The following MBD5 variants were observed in gnomAD, a reference collection of about 807,000 sequenced individuals.
MBD5 encodes the protein methyl-CpG binding domain protein 5.
Under a neutral mutation model 117.3 loss-of-function variants are expected in MBD5, and 13 were observed. The observed-to-expected ratio is 0.11, with a 90% CI of 0.07 to 0.18. The LOEUF (loss-of-function observed/expected upper bound fraction) is 0.18, where lower values mean the gene tolerates loss of function less well. Ranked by LOEUF, MBD5 falls within the 10% of genes least tolerant of loss-of-function variation. The pLI, the probability that MBD5 is intolerant of heterozygous loss-of-function variation, is 1.00. For missense variants in MBD5, 1,879 were observed against 2,093.8 expected (o/e 0.90, Z 2.00); for synonymous variants, 727 against 766.4 (o/e 0.95, Z 0.85).
intron 10 of MBD5, among the ~76,000 whole-genome samples, chr2:148,486,611 T>G (rs1681348736): frequency 6.6e-6 from 1 of 151,768 alleles, no homozygotes; most frequent in Non-Finnish European, 1.5e-5. Flanking sequence ...AATTAACACC[T>G]ACAACATAAA....
chr2:148,227,765 T>G (rs937189249), intron 2 of MBD5, among the ~76,000 whole-genome samples: 4 of 152,356 alleles, frequency 2.6e-5, no homozygotes, highest in African/African-American at 7.2e-5. Flanking sequence ...GTTCTTCCAT[T>G]TGTTTGTGTC....
At chr2:148,367,087 G>A (rs1240564360) in intron 4 of MBD5, among the ~76,000 whole-genome samples, 2 of 152,104 alleles carry the variant, frequency 1.3e-5, no homozygotes. Flanking sequence ...ATACTACAAG[G>A]CTACAGTAAT....
intron 4 of MBD5, among the ~76,000 whole-genome samples, chr2:148,358,912 A>G (rs1352102882): frequency 6.6e-6 from 1 of 152,130 alleles, no homozygotes; most frequent in East Asian, 1.9e-4. Flanking sequence ...TTTCAATGTT[A>G]TTTTGCATAG....
intron 4 of MBD5, among the ~76,000 whole-genome samples, chr2:148,453,304 A>G (rs1706782827): frequency 6.6e-6 from 1 of 152,160 alleles, no homozygotes; most frequent in South Asian, 2.1e-4. Flanking sequence ...AGTTGCTAAA[A>G]TTCAATCCAC....
intron 3 of MBD5, among the ~76,000 whole-genome samples, chr2:148,274,717 G>GTTTTTTTTTTTTTTTTTTTTTTTT (rs199569391): frequency 9.1e-6 from 1 of 109,854 alleles, no homozygotes. Context: ...AATTAATTGA[G>GTTTTTTTTTTTTTTTTTTTTTTTT]TTTTTTTGTT....
intron 3 of MBD5, among the ~76,000 whole-genome samples, chr2:148,311,977 C>G (rs1448466529): frequency 6.6e-6 from 1 of 152,030 alleles, no homozygotes; most frequent in Non-Finnish European, 1.5e-5. Flanking sequence ...AATATTGGAC[C>G]CCACTCTCCT....
intron 1 of MBD5, among the ~76,000 whole-genome samples, chr2:148,130,852 C>T (rs1327499293): frequency 6.6e-6 from 1 of 152,100 alleles, no homozygotes; most frequent in Admixed American, 6.6e-5. Flanking sequence ...TTCTCCTGGG[C>T]AAGGTTGGGG....
At chr2:148,022,456 A>T (rs1693780319) in intron 1 of MBD5, among the ~76,000 whole-genome samples, 1 of 152,072 alleles carries the variant, frequency 6.6e-6, no homozygotes, top group African/African-American at 2.4e-5. Flanking sequence ...CCTGATACTT[A>T]TTTTCCATAT....
intron 3 of MBD5, among the ~76,000 whole-genome samples, chr2:148,258,243 AC>A (rs781695182): frequency 1.3e-5 from 2 of 151,950 alleles, no homozygotes; most frequent in Non-Finnish European, 2.9e-5. Context: ...TAAAATGTCC[AC>A]CCCCAGAATG....
At chr2:148,068,029 C>T (rs969713741) in intron 1 of MBD5, among the ~76,000 whole-genome samples, 2 of 152,180 alleles carry the variant, frequency 1.3e-5, no homozygotes, top group Non-Finnish European at 2.9e-5. Flanking sequence ...ATCTTTGGGT[C>T]TCTCTGTATG....
intron 4 of MBD5, among the ~76,000 whole-genome samples, chr2:148,350,647 C>G (rs1038530606): frequency 1.3e-5 from 2 of 151,984 alleles, no homozygotes; most frequent in Non-Finnish European, 2.9e-5. Flanking sequence ...AATCAGGCTA[C>G]AAATTTCCTT....
intron 4 of MBD5, among the ~76,000 whole-genome samples, chr2:148,348,090 C>T (rs1348315810): frequency 1.3e-5 from 2 of 151,982 alleles, no homozygotes; most frequent in African/African-American, 2.4e-5. Context: ...AGGAACTGAG[C>T]CTACCTTGTT....
At chr2:148,162,506 G>C (rs1311457713) in intron 1 of MBD5, among the ~76,000 whole-genome samples, 1 of 152,054 alleles carries the variant, frequency 6.6e-6, no homozygotes, top group Non-Finnish European at 1.5e-5. Context: ...TTGCTGTAAG[G>C]GTGATCTGTT....
At chr2:148,174,697 A>G (rs1436780282) in intron 1 of MBD5, among the ~76,000 whole-genome samples, 2 of 152,026 alleles carry the variant, frequency 1.3e-5, no homozygotes, top group African/African-American at 2.4e-5. Flanking sequence ...TACAAGAAAA[A>G]CTTCTCAACA....
intron 2 of MBD5, among the ~76,000 whole-genome samples, chr2:148,188,351 A>G (rs1574111070): frequency 6.6e-6 from 1 of 152,280 alleles, no homozygotes; most frequent in Non-Finnish European, 1.5e-5. Context: ...ATTTAAAACA[A>G]AGAAATATAG....
Position 148,485,901 on chromosome 2 carries a change from C to A in MBD5, c.3704C>A (p.Pro1235His). 2 of 1,614,124 alleles carry A rather than the reference C, an allele frequency of 1.2e-6. No individual in the cohort carries two copies. The highest frequency in any genetic ancestry group is 1.7e-6 in the Non-Finnish European group (2 of 1,179,974). ...LQAFQGQSTI[P>H]CPANNNPMAC... The stretch of plus-strand genomic sequence containing the variant: ...GCGTTCCAAGGACAGTCCACAATTC[C>A]TTGCCCAGCTAACAATAACCCCATG... The change falls in exon 10 of 14, where the codon CCT becomes CAT. Residue 1235 changes from proline to histidine, a missense_variant. Coordinates refer to ENST00000642680, the MANE Select transcript of MBD5 (RefSeq NM_001378120.1).
chr2:148,312,393 T>C (rs1343235308), intron 3 of MBD5, among the ~76,000 whole-genome samples: 1 of 152,194 alleles, frequency 6.6e-6, no homozygotes. Flanking sequence ...CTTTATTTCA[T>C]TAAGTTGATC....
rs114251920 is a variant in MBD5 at position 148,469,453 on chromosome 2, A to G, written c.1510A>G (p.Met504Val). ...AACAATAGGGTCCCCAAGGCCATCA[A>G]TGCCATCAAGCCCTTCTACCAAGTC... is the stretch of plus-strand genomic sequence containing the variant. ...RSTIGSPRPS[M>V]PSSPSTKSDG... The change falls in exon 8 of 14, where the codon ATG (methionine) becomes GTG (valine). Residue 504 changes from methionine (M) to valine (V), a missense_variant. Coordinates refer to ENST00000642680, the MANE Select transcript of MBD5 (RefSeq NM_001378120.1). 4.6e-5 allele frequency: 75 copies of G among 1,613,936 alleles called. 1 individual carries two copies. The highest frequency in any genetic ancestry group is 5.8e-5 in the Non-Finnish European group (69 of 1,179,950).
intron 4 of MBD5, among the ~76,000 whole-genome samples, chr2:148,355,722 C>G (rs111427454): frequency 0.18 from 27,020 of 152,114 alleles, 2,555 homozygotes; most frequent in Non-Finnish European, 0.18. Flanking sequence ...GTGATGCCTC[C>G]AGCTTTGTTG....
Sources: allele counts gnomAD v4.1 joint callset (sites outside exome capture counted in the v4.1 genomes callset), GRCh38; gene constraint gnomAD v4.1.1; transcripts MANE v1.5; gene names NCBI Gene and HGNC (gene_info 2026-07-23, HGNC 2026-07-21).